UBA2: variants seen among roughly 807,000 people sequenced by gnomAD.
UBA2 encodes the protein SUMO-activating enzyme subunit 2.
In UBA2, 11 loss-of-function variants were observed where a neutral mutation model predicts 77.2. The observed-to-expected ratio is 0.14, with a 90% CI of 0.09 to 0.24. The LOEUF (loss-of-function observed/expected upper bound fraction) is 0.24, where lower values mean the gene tolerates loss of function less well. Ranked by LOEUF, UBA2 falls within the 10% of genes least tolerant of loss-of-function variation. UBA2 has a pLI of 1.00. For synonymous variants in UBA2, 278 were observed against 276.7 expected, an observed-to-expected ratio of 1.00 and a Z score of -0.05; for missense variants, 487 against 781.7, an observed-to-expected ratio of 0.62 and a Z score of 4.50.
At chr19:34,447,339 T>G (rs112929874) in intron 8 of UBA2, among the ~76,000 whole-genome samples, 1 of 152,136 alleles carries the variant, frequency 6.6e-6, no homozygotes, top group Non-Finnish European at 1.5e-5. Context: ...GGCAACACCC[T>G]CACACACACA....
chr19:34,429,189 AGGCTGC>A (rs2075223172), intron 1 of UBA2: 7 of 985,288 alleles, frequency 7.1e-6, no homozygotes, highest in Non-Finnish European at 8.4e-6. Context: ...GGGCTCCCGC[AGGCTGC>A]GTGACTGTCA....
chr19:34,462,983 G>A (rs2075648077), intron 14 of UBA2, among the ~76,000 whole-genome samples: 1 of 152,054 alleles, frequency 6.6e-6, no homozygotes, highest in Non-Finnish European at 1.5e-5. Flanking sequence ...TTTAATCCCA[G>A]CTATTCGGGA....
At chr19:34,444,766 C>G (rs991995081) in intron 7 of UBA2, among the ~76,000 whole-genome samples, 3 of 152,230 alleles carry the variant, frequency 2.0e-5, no homozygotes, top group Admixed American at 2.0e-4. Context: ...GAGATCTTAA[C>G]ACTGCACTCC....
chr19:34,461,036 T>C (rs2075625362), intron 14 of UBA2, among the ~76,000 whole-genome samples: 1 of 152,228 alleles, frequency 6.6e-6, no homozygotes, highest in African/African-American at 2.4e-5. Flanking sequence ...TGCTAACACA[T>C]TTGCTATACA....
At chr19:34,457,175 AAAAAATATAT>A (rs1163113764) in intron 12 of UBA2, among the ~76,000 whole-genome samples, 2 of 78,004 alleles carry the variant, frequency 2.6e-5, no homozygotes, top group African/African-American at 1.7e-4. Flanking sequence ...CTAAAAAAAA[AAAAAATATAT>A]ATATATATAT....
Position 34,469,063 on chromosome 19 carries a change from A to T in UBA2, c.1765A>T (p.Ile589Leu). The T allele has an allele frequency of 2.5e-6, 4 of 1,607,798 alleles. No homozygotes were observed. Among genetic ancestry groups the T allele is most frequent in the African/African-American group, 2.7e-5 (2 of 74,464 alleles). Residue 589 changes from isoleucine (I) to leucine (L), a missense_variant, in exon 17 of 17, where the codon ATA (isoleucine) becomes TTA (leucine). Physicochemically the swap from Ile to Leu is conservative, Grantham distance 5 (BLOSUM62 2). Coordinates refer to ENST00000246548, the MANE Select transcript of UBA2 (RefSeq NM_005499.3). Reference sequence around the variant, plus strand: ...AGCTCAAGAGCAAGATGACGTTCTCATAGTTGATTCAGATGAAGAAGATTC... The same window carrying T: ...AGCTCAAGAGCAAGATGACGTTCTCTTAGTTGATTCAGATGAAGAAGATTC... ...STAQEQDDVL[I>L]VDSDEEDSSN...
At chr19:34,457,383 A>G (rs898344632) in intron 12 of UBA2, among the ~76,000 whole-genome samples, 1 of 151,556 alleles carries the variant, frequency 6.6e-6, no homozygotes. Context: ...AAATATAGTA[A>G]TATATCTGGA....
intron 1 of UBA2, among the ~76,000 whole-genome samples, 158 bp from the exon 2 acceptor site, chr19:34,430,418 C>T (rs2075239501): frequency 6.6e-6 from 1 of 152,136 alleles, no homozygotes; most frequent in Non-Finnish European, 1.5e-5. Flanking sequence ...TTAAATTATT[C>T]TTTATCAGTT....
At chr19:34,462,144 C>G (rs111593710) in intron 14 of UBA2, among the ~76,000 whole-genome samples, 1 of 152,148 alleles carries the variant, frequency 6.6e-6, no homozygotes, top group South Asian at 2.1e-4. Context: ...GACCCCTACC[C>G]TCCAGAGGAA....
chr19:34,458,494 G>A (rs1179403971), intron 12 of UBA2, among the ~76,000 whole-genome samples: 1 of 147,576 alleles, frequency 6.8e-6, no homozygotes, highest in Non-Finnish European at 1.5e-5. Flanking sequence ...CCAGGGGGCG[G>A]AGCCTGCAGT....
At chr19:34,442,423 A>G (rs924561982) in intron 6 of UBA2, among the ~76,000 whole-genome samples, 3 of 152,160 alleles carry the variant, frequency 2.0e-5, no homozygotes, top group Non-Finnish European at 4.4e-5. Context: ...AAAAAATACC[A>G]TTAAGTAAAA....
intron 12 of UBA2, among the ~76,000 whole-genome samples, chr19:34,457,179 A>AAAATATATATATATATATATATAT (rs1262007864): frequency 1.9e-5 from 1 of 53,218 alleles, no homozygotes. Flanking sequence ...AAAAAAAAAA[A>AAAATATATATATATATATATATAT]ATATATATAT....
At chr19:34,450,201 C>T (rs1300303164) in intron 8 of UBA2, 64 bp from the exon 9 acceptor site, 14 of 1,105,538 alleles carry the variant, frequency 1.3e-5, no homozygotes, top group East Asian at 2.4e-5. Context: ...TCAGCAATGA[C>T]GTTTTCTTGT....
rs1568387687 is a variant in UBA2 at position 34,467,000 on chromosome 19, C to T, written c.1727C>T (p.Pro576Leu). The change falls in exon 16 of 17, where the codon CCC (proline) becomes CTC (leucine). Residue 576 changes from proline (P) to leucine (L), a missense_variant. By Grantham distance (98) the Pro-to-Leu change is moderately conservative. Around this residue, in one of 9 missense-constraint regions of UBA2, gnomAD observed 300 missense variants for 454.3 expected, o/e 0.66. Coordinates refer to ENST00000246548, the MANE Select transcript of UBA2 (RefSeq NM_005499.3). The stretch of plus-strand genomic sequence containing the variant: ...AATGGCAGTGATGATGGAGCTCAGC[C>T]CTCCACCTCCACAGGTGAGTATGGC... ...ITNGSDDGAQ[P>L]STSTAQEQDD... 1 of 1,613,988 alleles carries T rather than the reference C, an allele frequency of 6.2e-7. No individual in the cohort carries two copies. Among genetic ancestry groups the T allele is most frequent in the Non-Finnish European group, 8.5e-7 (1 of 1,179,906 alleles).
At chr19:34,465,561 G>A (rs906406602) in intron 15 of UBA2, among the ~76,000 whole-genome samples, 4 of 151,566 alleles carry the variant, frequency 2.6e-5, no homozygotes, top group African/African-American at 9.7e-5. Context: ...TGTTTGAACC[G>A]GGGAGCCGAG....
chr19:34,444,875 G>C (rs1281611235), intron 7 of UBA2, 125 bp from the exon 8 acceptor site: 22 of 945,318 alleles, frequency 2.3e-5, no homozygotes, highest in South Asian at 1.1e-4. Flanking sequence ...CTTATTCCTT[G>C]AACTCAGAAT....
intron 8 of UBA2, among the ~76,000 whole-genome samples, chr19:34,445,844 C>G (rs929298556): frequency 5.9e-5 from 9 of 152,122 alleles, no homozygotes; most frequent in African/African-American, 1.9e-4. Context: ...GGTGAAATCC[C>G]TCTTCATCAG....
chr19:34,448,154 T>C (rs1453179429), intron 8 of UBA2, among the ~76,000 whole-genome samples: 3 of 152,124 alleles, frequency 2.0e-5, no homozygotes, highest in East Asian at 1.9e-4. Context: ...GGATCTGATA[T>C]TCATATTATA....
chr19:34,437,650 TGA>T (rs764571575), intron 5 of UBA2, among the ~76,000 whole-genome samples: 51 of 152,290 alleles, frequency 3.3e-4, no homozygotes, highest in Non-Finnish European at 6.2e-4. Context: ...TAGGAATATC[TGA>T]GATAATGAAA....
Sources: allele counts gnomAD v4.1 joint callset (sites outside exome capture counted in the v4.1 genomes callset), GRCh38; gene constraint gnomAD v4.1.1; regional missense constraint gnomAD v4.1.1; transcripts MANE v1.5; gene names NCBI Gene and HGNC (gene_info 2026-07-23, HGNC 2026-07-21).